PAG1: variants seen among roughly 807,000 people sequenced by gnomAD.
The protein encoded by PAG1 is phosphoprotein membrane anchor with glycosphingolipid microdomains 1.
A neutral mutation model predicts 31.7 loss-of-function variants in PAG1; 23 were observed. The ratio of observed to expected loss-of-function variants is 0.73; its 90% CI spans 0.52 to 1.03. The LOEUF (loss-of-function observed/expected upper bound fraction) is 1.03, where lower values mean the gene tolerates loss of function less well. PAG1 is among the 50% of genes least tolerant of loss of function. The pLI is 0.00. For missense variants in PAG1, 473 were observed against 540.7 expected, an observed-to-expected ratio of 0.87 and a Z score of 1.24; for synonymous variants, 214 against 210.3, an observed-to-expected ratio of 1.02 and a Z score of -0.15.
At chr8:81,107,072 A>G (rs913585355) in intron 1 of PAG1, among the ~76,000 whole-genome samples, 1 of 152,114 alleles carries the variant, frequency 6.6e-6, no homozygotes, top group Non-Finnish European at 1.5e-5. Context: ...AGAATGATGC[A>G]AGTATGTGAC....
Position 80,974,625 on chromosome 8 carries a change from T to C in PAG1, c.*1919A>G, listed in dbSNP as rs573027673. Reference sequence around the variant, plus strand: ...GTAGAGCAGTCACAAAGTCAAGCCATGAATACAGGGATGGAAAAACATTCC... The same window carrying C: ...GTAGAGCAGTCACAAAGTCAAGCCACGAATACAGGGATGGAAAAACATTCC... On this transcript the variant is annotated 3_prime_UTR_variant, in exon 9 of 9. Transcript: ENST00000220597. The C allele has an allele frequency of 6.6e-6, 1 of 152,316 alleles. No individual in the cohort carries two copies. The highest frequency in any genetic ancestry group is 2.1e-4 in the South Asian group (1 of 4,826). The allele number at this position is 152,316 out of a possible 1,614,324, so 9.4% of individuals were successfully genotyped here. A position where few individuals can be genotyped will look rare whatever the true frequency, so the allele number is the denominator to read the frequency against.
At chr8:81,007,360 T>C (rs903941427) in intron 3 of PAG1, among the ~76,000 whole-genome samples, 1 of 151,458 alleles carries the variant, frequency 6.6e-6, no homozygotes, top group African/African-American at 2.4e-5. Context: ...ACGCCTATAA[T>C]CCCAGCACTT....
chr8:81,018,515 G>A (rs1808109261), intron 3 of PAG1, among the ~76,000 whole-genome samples: 1 of 152,220 alleles, frequency 6.6e-6, no homozygotes, highest in African/African-American at 2.4e-5. Context: ...CCCACATGTT[G>A]TGGGAGGGAC....
chr8:80,988,296 G>A (rs1807468324), intron 5 of PAG1, among the ~76,000 whole-genome samples: 1 of 152,160 alleles, frequency 6.6e-6, no homozygotes, highest in Non-Finnish European at 1.5e-5. Flanking sequence ...GAGAAACGTG[G>A]AAAGGCATCA....
intron 2 of PAG1, among the ~76,000 whole-genome samples, chr8:81,059,572 T>C (rs1808885195): frequency 1.3e-5 from 2 of 152,154 alleles, no homozygotes; most frequent in South Asian, 4.1e-4. Flanking sequence ...AGAGGGTCTG[T>C]AAACTACCTG....
At chr8:80,978,043 TTAAGACAGGCCTGTC>T in intron 8 of PAG1, among the ~76,000 whole-genome samples, 1 of 152,094 alleles carries the variant, frequency 6.6e-6, no homozygotes, top group Non-Finnish European at 1.5e-5. Context: ...TTCCAGCTTC[TTAAGACAGGCCTGTC>T]TTAAGACAGG....
chr8:81,019,946 G>A (rs765566072), intron 3 of PAG1, among the ~76,000 whole-genome samples: 26 of 152,270 alleles, frequency 1.7e-4, no homozygotes, highest in African/African-American at 2.6e-4. Flanking sequence ...GGGTGGAGCC[G>A]CCCAAGGCCA....
At chr8:80,985,911 A>T (rs547854738) in intron 6 of PAG1, among the ~76,000 whole-genome samples, 5 of 152,208 alleles carry the variant, frequency 3.3e-5, no homozygotes, top group Non-Finnish European at 7.4e-5. Flanking sequence ...GGCACCTCAT[A>T]CCTTGCTTCC....
At chr8:81,071,104 A>G (rs1342347389) in intron 1 of PAG1, among the ~76,000 whole-genome samples, 1 of 147,652 alleles carries the variant, frequency 6.8e-6, no homozygotes, top group Non-Finnish European at 1.5e-5. Flanking sequence ...AGAAAGAGCT[A>G]TTTCTTAGAA....
At chr8:81,079,519 A>G (rs181030847) in intron 1 of PAG1, among the ~76,000 whole-genome samples, 66 of 152,162 alleles carry the variant, frequency 4.3e-4, no homozygotes, top group African/African-American at 1.5e-3. Context: ...CCCTTCCCTC[A>G]TGGCAAATTC....
chr8:81,105,678 A>G (rs1809682600), intron 1 of PAG1, among the ~76,000 whole-genome samples: 1 of 152,216 alleles, frequency 6.6e-6, no homozygotes, highest in African/African-American at 2.4e-5. Context: ...TTCCACCACA[A>G]TGGGCATGAT....
At chr8:81,106,139 G>A (rs927431180) in intron 1 of PAG1, among the ~76,000 whole-genome samples, 2 of 152,064 alleles carry the variant, frequency 1.3e-5, no homozygotes, top group Non-Finnish European at 2.9e-5. Flanking sequence ...TTTGCCTCCC[G>A]GGTTCAGGTG....
intron 3 of PAG1, among the ~76,000 whole-genome samples, chr8:81,029,485 T>G (rs181215532): frequency 1.4e-3 from 207 of 152,254 alleles, no homozygotes; most frequent in African/African-American, 4.9e-3. Flanking sequence ...AAAGGCTTAC[T>G]TAGCAGGTAT....
intron 1 of PAG1, among the ~76,000 whole-genome samples, chr8:81,077,143 T>C (rs190922950): frequency 6.6e-6 from 1 of 152,336 alleles, no homozygotes; most frequent in East Asian, 1.9e-4. Flanking sequence ...CAGGAGCTCG[T>C]TAGAAAGGCA....
At chr8:81,054,655 A>C (rs1219011184) in intron 2 of PAG1, among the ~76,000 whole-genome samples, 2 of 152,108 alleles carry the variant, frequency 1.3e-5, no homozygotes, top group Non-Finnish European at 2.9e-5. Flanking sequence ...AGCCTGGGCA[A>C]CAGAGCGAGA....
In PAG1 at chr8:81,055,589, G is replaced by A. The variant is rs535138567; in HGVS notation, c.-175+14523C>T. Reference sequence around the variant, plus strand: ...CGATATTGATTCTTCCTATCCATGAGCATGGAATGTTCTTCCATTTGTTTG... The same window carrying A: ...CGATATTGATTCTTCCTATCCATGAACATGGAATGTTCTTCCATTTGTTTG... On this transcript the variant is annotated intron_variant, in intron 2 of 8. Coordinates refer to ENST00000220597, the MANE Select transcript of PAG1 (RefSeq NM_018440.4). 3.0e-4 allele frequency among the ~76,000 whole-genome samples: 46 copies of A among 152,174 alleles called. No individual in the cohort carries two copies. In the South Asian group the frequency reaches 4.8e-3, roughly 16 times the overall value.
chr8:80,983,486 G>A (rs951159113), intron 7 of PAG1, among the ~76,000 whole-genome samples: 5 of 152,148 alleles, frequency 3.3e-5, no homozygotes, highest in East Asian at 1.9e-4. Context: ...CACACAGCAG[G>A]TGCTTATTAA....
chr8:80,998,405 G>A (rs1004898398), intron 3 of PAG1, among the ~76,000 whole-genome samples: 1 of 152,106 alleles, frequency 6.6e-6, no homozygotes, highest in Non-Finnish European at 1.5e-5. Flanking sequence ...TGGGATTACA[G>A]GCGTGAACCA....
At chr8:81,027,736 T>C (rs904406866) in intron 3 of PAG1, among the ~76,000 whole-genome samples, 3 of 151,880 alleles carry the variant, frequency 2.0e-5, no homozygotes, top group African/African-American at 7.3e-5. Context: ...AAACCCTGTC[T>C]CTATTAAAAA....
Sources: gnomAD v4.1 joint callset for allele counts (sites outside exome capture counted in the v4.1 genomes callset) on GRCh38, gnomAD v4.1.1 for gene constraint, MANE v1.5 for transcripts, NCBI Gene and HGNC (gene_info 2026-07-23, HGNC 2026-07-21) for gene names.